Variants in VDR observed in about 807,000 individuals in gnomAD.
VDR encodes the protein vitamin D receptor, also known as vitamin D3 receptor.
Under a neutral mutation model 39.7 loss-of-function variants are expected in VDR, and 19 were observed. That is an observed-to-expected ratio of 0.48 (90% CI 0.33 to 0.70). VDR has a LOEUF of 0.70. Ranked by LOEUF, VDR falls within the 30% of genes least tolerant of loss-of-function variation. The pLI is 0.02. For synonymous variants in VDR, 242 were observed against 215.8 expected, an observed-to-expected ratio of 1.12 and a Z score of -1.07; for missense variants, 442 against 570.5, an observed-to-expected ratio of 0.77 and a Z score of 2.29.
In VDR at chr12:47,843,481, C is replaced by T. The variant is rs985336778; in HGVS notation, c.*1265G>A. On this transcript the variant is annotated 3_prime_UTR_variant, in exon 10 of 10. Coordinates refer to ENST00000549336, the MANE Select transcript of VDR (RefSeq NM_000376.3). ...AAGACCCCACCTTGGAGTAAACGGA[C>T]AGACGCTTCCCACCAGCTGGGCTGG... 1 of 152,384 alleles carries T rather than the reference C, an allele frequency of 6.6e-6. No individual in the cohort carries two copies. Among genetic ancestry groups the T allele is most frequent in the Non-Finnish European group, 1.5e-5 (1 of 68,150 alleles). The allele number at this position is 152,384 out of a possible 1,614,324, so 9.4% of individuals were successfully genotyped here.
chr12:47,891,773 C>T (rs1296106222), intron 1 of VDR, among the ~76,000 whole-genome samples: 1 of 152,212 alleles, frequency 6.6e-6, no homozygotes, highest in African/African-American at 2.4e-5. Context: ...CATCCCCCAC[C>T]TCCCCCATCA....
At chr12:47,860,549 T>C (rs1261148523) in intron 4 of VDR, among the ~76,000 whole-genome samples, 1 of 152,216 alleles carries the variant, frequency 6.6e-6, no homozygotes, top group Non-Finnish European at 1.5e-5. Flanking sequence ...CAGAAAACCT[T>C]GTAACGGAAC....
intron 3 of VDR, among the ~76,000 whole-genome samples, chr12:47,874,417 C>G (rs1945957637): frequency 6.6e-6 from 1 of 152,178 alleles, no homozygotes; most frequent in Non-Finnish European, 1.5e-5. Context: ...CCTTTCACAT[C>G]AGGTTGCTAG....
In VDR at chr12:47,857,698, G is replaced by A. The variant is rs1188994470; in HGVS notation, c.278-10C>T. 6 of 1,611,268 alleles carry A rather than the reference G, an allele frequency of 3.7e-6. No homozygotes were observed. In the Middle Eastern group the frequency reaches 5.0e-4, roughly 134 times the overall value. On this transcript the variant is annotated splice_polypyrimidine_tract_variant and intron_variant, in intron 4 of 9. Transcript: ENST00000549336. ...TCATCTGTCAGAATGACTGTGGGGT[G>A]GGAAGGGGAGTCAGGAGGGCTGGCC...
chr12:47,863,368 T>G (rs1945663627), intron 4 of VDR, among the ~76,000 whole-genome samples: 1 of 152,200 alleles, frequency 6.6e-6, no homozygotes, highest in Non-Finnish European at 1.5e-5. Flanking sequence ...TGGGCATCAG[T>G]GAGCTTAGTC....
rs1945278957 is a variant in VDR at position 47,846,341 on chromosome 12, A to T, written c.1018T>A (p.Ser340Thr). ...TCCCTGCCTGGCCCCATACCTGGGG[A>T]GACGATGCAGATGGCCATGAGCAGG... ...HVLLMAICIV[S>T]PDRPGVQDAA... The change falls in exon 9 of 10, where the codon TCC becomes ACC. Residue 340 changes from serine to threonine, a missense_variant. Around this residue, in one of 5 missense-constraint regions of VDR, gnomAD observed 173 missense variants for 252.0 expected, o/e 0.69. Coordinates refer to ENST00000549336, the MANE Select transcript of VDR (RefSeq NM_000376.3). 1 of 1,606,976 alleles carries T rather than the reference A, an allele frequency of 6.2e-7. No individual in the cohort carries two copies. Among genetic ancestry groups the T allele is most frequent in the African/African-American group, 1.3e-5 (1 of 74,708 alleles).
At chr12:47,864,758 T>C (rs1945693707) in intron 4 of VDR, among the ~76,000 whole-genome samples, 1 of 152,210 alleles carries the variant, frequency 6.6e-6, no homozygotes, top group Admixed American at 6.5e-5. Flanking sequence ...TTGAAGGCAG[T>C]GTCCGGCCTC....
At chr12:47,874,212 G>A (rs1423693385) in intron 3 of VDR, among the ~76,000 whole-genome samples, 1 of 152,078 alleles carries the variant, frequency 6.6e-6, no homozygotes, top group Non-Finnish European at 1.5e-5. Context: ...TCACATCCTT[G>A]AATATCTGTG....
At chr12:47,877,218 A>G (rs893885791) in intron 3 of VDR, among the ~76,000 whole-genome samples, 2 of 152,054 alleles carry the variant, frequency 1.3e-5, no homozygotes, top group Non-Finnish European at 2.9e-5. Flanking sequence ...AGGCCCCATC[A>G]CTACAAAAAA....
chr12:47,853,853 C>T (rs368279042), intron 7 of VDR, among the ~76,000 whole-genome samples: 5 of 151,908 alleles, frequency 3.3e-5, no homozygotes, highest in South Asian at 2.1e-4. Flanking sequence ...ACCTGGAAGG[C>T]GGAGGTTGCA....
chr12:47,876,132 C>T (rs1482877066), intron 3 of VDR, among the ~76,000 whole-genome samples: 1 of 152,066 alleles, frequency 6.6e-6, no homozygotes, highest in Non-Finnish European at 1.5e-5. Context: ...CACAAATGAC[C>T]ACAAAGGGGC....
At chr12:47,873,371 T>C (rs1477237584) in intron 3 of VDR, among the ~76,000 whole-genome samples, 1,910 of 91,140 alleles carry the variant, frequency 0.021, 245 homozygotes, top group Admixed American at 0.18. Flanking sequence ...TTTTTTTTTT[T>C]TTTTTTTTTG....
chr12:47,872,826 G>A (rs938935903), intron 3 of VDR, among the ~76,000 whole-genome samples: 1 of 152,182 alleles, frequency 6.6e-6, no homozygotes, highest in Non-Finnish European at 1.5e-5. Flanking sequence ...ACTAAAAAGG[G>A]ATAATGATAC....
At chr12:47,861,491 T>C (rs1945624068) in intron 4 of VDR, among the ~76,000 whole-genome samples, 1 of 152,228 alleles carries the variant, frequency 6.6e-6, no homozygotes. Flanking sequence ...TGCACTGTGA[T>C]TTACGAAATA....
At chr12:47,855,341 A>AAT (rs964929807) in intron 7 of VDR, among the ~76,000 whole-genome samples, 4 of 148,926 alleles carry the variant, frequency 2.7e-5, no homozygotes, top group African/African-American at 7.5e-5. Context: ...AAAAAATAAA[A>AAT]ATAAATAAAT....
chr12:47,848,302 G>T (rs74483686), intron 7 of VDR, among the ~76,000 whole-genome samples: 1,606 of 151,938 alleles, frequency 0.011, 34 homozygotes, highest in African/African-American at 0.037. Context: ...AAGAACCAGG[G>T]TTACAGGTGT....
chr12:47,892,837 A>T (rs899228505), intron 1 of VDR, among the ~76,000 whole-genome samples: 3 of 152,218 alleles, frequency 2.0e-5, no homozygotes, highest in Non-Finnish European at 4.4e-5. Context: ...TTGGTGAGAA[A>T]AGAGAAGAGA....
chr12:47,876,039 T>C (rs1228834480), intron 3 of VDR, among the ~76,000 whole-genome samples: 1 of 152,092 alleles, frequency 6.6e-6, no homozygotes, highest in East Asian at 1.9e-4. Context: ...AGGCAAAAAA[T>C]GTAGCACTAA....
In VDR at chr12:47,903,362, C is replaced by T. The variant is rs11574019; in HGVS notation, c.-84+1593G>A. Among the ~76,000 whole-genome samples, 448 of 152,328 alleles carry T rather than the reference C, an allele frequency of 2.9e-3. 6 individuals carry two copies. The highest frequency in any genetic ancestry group is 0.01 in the African/African-American group (433 of 41,562). On this transcript the variant is annotated intron_variant, in intron 1 of 9. Coordinates refer to ENST00000549336, the MANE Select transcript of VDR (RefSeq NM_000376.3). ...CAGAGAGGCTGCTGAGTGGGGGCCACGGACTCTGCAGGGAGGGCTACTTCT... is the reference window on the plus strand; with the variant it reads ...CAGAGAGGCTGCTGAGTGGGGGCCATGGACTCTGCAGGGAGGGCTACTTCT...
Sources: allele counts gnomAD v4.1 joint callset (sites outside exome capture counted in the v4.1 genomes callset), GRCh38; gene constraint gnomAD v4.1.1; regional missense constraint gnomAD v4.1.1; transcripts MANE v1.5; gene names NCBI Gene and HGNC (gene_info 2026-07-23, HGNC 2026-07-21).